ATP2C2: variants seen among roughly 807,000 people sequenced by gnomAD.
ATP2C2 encodes the protein calcium-transporting ATPase type 2C member 2.
ATP2C2 carries 171 observed loss-of-function variants against 110.8 expected under a neutral mutation model. The observed-to-expected ratio is 1.54, with a 90% CI of 1.36 to 1.75. The LOEUF is 1.75. ATP2C2 is among the 40% of genes most tolerant of loss of function. The pLI is 0.00. For synonymous variants in ATP2C2, 804 were observed against 508.4 expected (o/e 1.58, Z -7.82); for missense variants, 1,963 against 1,235.0 (o/e 1.59, Z -8.84).
intron 1 of ATP2C2, among the ~76,000 whole-genome samples, chr16:84,397,198 A>G (rs563474858): frequency 4.6e-5 from 7 of 151,918 alleles, no homozygotes; most frequent in Non-Finnish European, 8.8e-5. Flanking sequence ...CGAAGCCTCC[A>G]GGTGTTTCAC....
At chr16:84,445,278 C>G (rs559450234) in intron 15 of ATP2C2, among the ~76,000 whole-genome samples, 1 of 151,614 alleles carries the variant, frequency 6.6e-6, no homozygotes, top group African/African-American at 2.4e-5. Context: ...GCTTGATCTC[C>G]GCTCACTGCA....
At chr16:84,442,850 C>A (rs1431178078) in intron 15 of ATP2C2, among the ~76,000 whole-genome samples, 1 of 152,170 alleles carries the variant, frequency 6.6e-6, no homozygotes. Flanking sequence ...CTATGAGCTT[C>A]CCTGTGGTTC....
At position 84,463,796 on chromosome 16, in the gene ATP2C2, GT is replaced by G. The variant is rs551788237; in HGVS notation, c.*65del. On this transcript the variant is annotated 3_prime_UTR_variant, in exon 27 of 27. Coordinates refer to ENST00000262429, the MANE Select transcript of ATP2C2 (RefSeq NM_014861.4). ...TCTGGTTGTGACTGTGGCCCCTGCC[GT>G]GTCTCCTCGTCAGGGGAGACTTTTA... The G allele has an allele frequency of 3.0e-4, 417 of 1,400,000 alleles. 1 individual carries two copies. The highest frequency in any genetic ancestry group is 3.7e-4 in the Non-Finnish European group (363 of 988,180). 86.7% of individuals were successfully genotyped at this position (1,400,000 alleles called of 1,614,324 possible).
At chr16:84,417,769 T>G (rs569786719) in intron 7 of ATP2C2, among the ~76,000 whole-genome samples, 51 of 152,346 alleles carry the variant, frequency 3.3e-4, no homozygotes, top group African/African-American at 1.0e-3. Flanking sequence ...CGAAGGTTAT[T>G]TTAAGGCTAC....
chr16:84,458,576 C>G (rs369572856), intron 21 of ATP2C2, among the ~76,000 whole-genome samples: 4 of 151,934 alleles, frequency 2.6e-5, no homozygotes, highest in African/African-American at 9.7e-5. Context: ...TAAAATCTGG[C>G]GGTGGGGGCA....
Position 84,415,543 on chromosome 16 carries a change from A to T in ATP2C2, c.576A>T (p.Val192=), listed in dbSNP as rs1174573962. 1 of 1,614,052 alleles carries T rather than the reference A, an allele frequency of 6.2e-7. No individual in the cohort carries two copies. The highest frequency in any genetic ancestry group is 8.5e-7 in the Non-Finnish European group (1 of 1,180,024). ...LARELVPGDV[V]SLSIGDRIPA... is the part of the protein sequence containing the mutation. Reference sequence around the variant, plus strand: ...GAGAACTGGTTCCTGGTGATGTCGTATCTCTCTCGATCGGAGACCGGATCC... The same window carrying T: ...GAGAACTGGTTCCTGGTGATGTCGTTTCTCTCTCGATCGGAGACCGGATCC... Residue 192 remains valine (V), a synonymous_variant, in exon 7 of 27, where the codon GTA becomes GTT. Coordinates refer to ENST00000262429, the MANE Select transcript of ATP2C2 (RefSeq NM_014861.4).
In ATP2C2 at chr16:84,463,784, G is replaced by C; in HGVS notation, c.*52G>C. On this transcript the variant is annotated 3_prime_UTR_variant, in exon 27 of 27. Transcript: ENST00000262429. ...TAATCATCTCGATCTGGTTGTGACTGTGGCCCCTGCCGTGTCTCCTCGTCA... is the reference window on the plus strand; with the variant it reads ...TAATCATCTCGATCTGGTTGTGACTCTGGCCCCTGCCGTGTCTCCTCGTCA... 3 of 1,493,356 alleles carry C rather than the reference G, an allele frequency of 2.0e-6. No individual in the cohort carries two copies. The highest frequency in any genetic ancestry group is 2.8e-6 in the Non-Finnish European group (3 of 1,071,642). The allele number at this position is 1,493,356 out of a possible 1,614,324, so 92.5% of individuals were successfully genotyped here.
chr16:84,463,632 G>T lies in ATP2C2; in HGVS notation c.2741G>T (p.Gly914Val). The part of the protein sequence containing the change: ...LGALDLLFLT[G>V]LASSVFILSE... ...TTGGCAGATTTGCTGTTTTTAACTGGATTGGCCTCATCCGTCTTCATTTTG... is the reference window on the plus strand; with the variant it reads ...TTGGCAGATTTGCTGTTTTTAACTGTATTGGCCTCATCCGTCTTCATTTTG... The change falls in exon 27 of 27, where the codon GGA becomes GTA. Residue 914 changes from glycine (G) to valine (V), a missense_variant. Physicochemically the swap from Gly to Val is moderately radical, Grantham distance 109 (BLOSUM62 -3). Transcript: ENST00000262429. The T allele has an allele frequency of 6.2e-7, 1 of 1,614,080 alleles. No homozygotes were observed.
rs77001424 is a variant in ATP2C2, at chr16:84,392,341, G to A, written c.100-6158G>A. Reference sequence around the variant, plus strand: ...AGAAAATCAAATATTGGCCAATATTGAGGTTCCCTTGGGCTCCTAAACACT... The same window carrying A: ...AGAAAATCAAATATTGGCCAATATTAAGGTTCCCTTGGGCTCCTAAACACT... On this transcript the variant is annotated intron_variant, in intron 1 of 26. Transcript: ENST00000262429. 5.9e-4 allele frequency among the ~76,000 whole-genome samples: 90 copies of A among 152,180 alleles called. 1 individual carries two copies. The East Asian group carries it at 7.3e-3, about 12-fold the overall frequency.
In ATP2C2 at chr16:84,426,136, C is replaced by T. The variant is rs576521333; in HGVS notation, c.986+335C>T. 77 of 249,592 alleles carry T rather than the reference C, an allele frequency of 3.1e-4. 1 individual carries two copies. The South Asian group carries it at 4.2e-3, about 14-fold the overall frequency. 15.5% of individuals were successfully genotyped at this position (249,592 alleles called of 1,614,324 possible). A position where few individuals can be genotyped will look rare whatever the true frequency, so the allele number is the denominator to read the frequency against. On this transcript the variant is annotated intron_variant, in intron 11 of 26. Transcript: ENST00000262429. ...ATGGTTCTACAGGCCGTACAGGAAG[C>T]ATGGTGTCTGCTCAGCTTCTGGGGA...
In ATP2C2 at chr16:84,410,745, G is replaced by A. The variant is rs1906207715; in HGVS notation, c.495G>A (p.Leu165=). 6.2e-7 allele frequency: 1 copy of A among 1,614,142 alleles called. No homozygotes were observed. Residue 165 remains leucine (L), a synonymous_variant, in exon 6 of 27, where the codon CTG becomes CTA. Transcript: ENST00000262429. ...SEKSLEELTK[L]VPPECNCLRE... ...AATCTCTGGAAGAGCTGACCAAGCT[G>A]GTTCCTCCAGAATGTAACTGGTAAG...
chr16:84,390,426 T>G (rs1049599453), intron 1 of ATP2C2, among the ~76,000 whole-genome samples: 47 of 152,230 alleles, frequency 3.1e-4, no homozygotes, highest in Non-Finnish European at 5.4e-4. Context: ...CAGCTTCTCT[T>G]GGAAACCTTT....
intron 1 of ATP2C2, among the ~76,000 whole-genome samples, chr16:84,385,791 A>G (rs994143132): frequency 6.6e-6 from 1 of 152,194 alleles, no homozygotes; most frequent in Non-Finnish European, 1.5e-5. Flanking sequence ...CTCACTCACT[A>G]TCATGAGCAT....
intron 3 of ATP2C2, among the ~76,000 whole-genome samples, chr16:84,405,803 C>T (rs754541324): frequency 3.9e-5 from 6 of 151,990 alleles, no homozygotes; most frequent in Non-Finnish European, 8.8e-5. Flanking sequence ...GCCTGTAATC[C>T]CAGCTACTGA....
intron 1 of ATP2C2, among the ~76,000 whole-genome samples, chr16:84,397,655 C>CAAAAAAGAAAAAAA (rs1905070922): frequency 1.6e-5 from 1 of 63,512 alleles, no homozygotes; most frequent in Non-Finnish European, 3.5e-5. Flanking sequence ...GCCTGGGTGA[C>CAAAAAAGAAAAAAA]AAAAAAAAAA....
chr16:84,384,887 T>C (rs1228798766), intron 1 of ATP2C2, among the ~76,000 whole-genome samples: 6 of 152,070 alleles, frequency 3.9e-5, no homozygotes, highest in Non-Finnish European at 8.8e-5. Flanking sequence ...TGGTCTCTAA[T>C]AAAAATACAA....
At chr16:84,396,549 CAAAAAAAAAA>C (rs57290176) in intron 1 of ATP2C2, among the ~76,000 whole-genome samples, 18 of 74,790 alleles carry the variant, frequency 2.4e-4, no homozygotes, top group African/African-American at 6.0e-4. Flanking sequence ...GGCTCTATCT[CAAAAAAAAAA>C]AAAAAAAAAA....
At chr16:84,381,288 G>T (rs35099243) in intron 1 of ATP2C2, among the ~76,000 whole-genome samples, 1 of 152,062 alleles carries the variant, frequency 6.6e-6, no homozygotes, top group Non-Finnish European at 1.5e-5. Context: ...CATCAGTTAA[G>T]GCTATTTTTA....
chr16:84,458,954 C>T (rs1376657808), intron 21 of ATP2C2, among the ~76,000 whole-genome samples, 166 bp from the exon 22 acceptor site: 9 of 152,256 alleles, frequency 5.9e-5, no homozygotes, highest in East Asian at 1.9e-4. Flanking sequence ...AGAACACCAC[C>T]GTCTCCTACA....
Sources: gnomAD v4.1 joint callset for allele counts (sites outside exome capture counted in the v4.1 genomes callset) on GRCh38, gnomAD v4.1.1 for gene constraint, MANE v1.5 for transcripts, NCBI Gene and HGNC (gene_info 2026-07-23, HGNC 2026-07-21) for gene names.